The following ODAPH variants were observed in gnomAD, a reference collection of about 807,000 sequenced individuals.
ODAPH encodes the protein amelogenesis imperfecta type IIA4.
Under a neutral mutation model 2.8 loss-of-function variants are expected in ODAPH, and 2 were observed. That is an observed-to-expected ratio of 0.72 (90% CI 0.30 to 2.28). ODAPH has a LOEUF of 2.28. Among genes scored for constraint, ODAPH ranks in the 30% most tolerant of loss-of-function variants. ODAPH has a pLI of 0.13. For missense variants in ODAPH, 159 were observed against 163.3 expected, an observed-to-expected ratio of 0.97 and a Z score of 0.14; for synonymous variants, 75 against 60.3, an observed-to-expected ratio of 1.24 and a Z score of -1.13.
At chr4:75,556,667 T>G in intron 1 of ODAPH, 1 of 1,017,350 alleles carries the variant, frequency 9.8e-7, no homozygotes, top group Non-Finnish European at 1.5e-6. Context: ...GGGCACAGGT[T>G]TCTTTCTTTA....
chr4:75,564,991 T>C (rs1394871232), downstream of ODAPH: 1 of 158,144 alleles, frequency 6.3e-6, no homozygotes, highest in Non-Finnish European at 1.4e-5. Context: ...ACCCAAATAA[T>C]AATAATTATT....
chr4:75,558,970 A>G lies in ODAPH; in HGVS notation c.67+2821A>G, dbSNP rs149312296. 4.6e-3 allele frequency among the ~76,000 whole-genome samples: 694 copies of G among 152,348 alleles called. 7 individuals carry two copies. Among genetic ancestry groups the G allele is most frequent in the African/African-American group, 0.016 (667 of 41,578 alleles). On this transcript the variant is annotated intron_variant, in intron 1 of 1. Transcript: ENST00000311623. Reference sequence around the variant, plus strand: ...CTCAGCCTCCCAAAGTGCTGGGATTATAAGTGTAAGCCACCACGCCCAGCC... The same window carrying G: ...CTCAGCCTCCCAAAGTGCTGGGATTGTAAGTGTAAGCCACCACGCCCAGCC...
Position 75,564,196 on chromosome 4 carries a change from T to A in ODAPH, c.150T>A (p.Pro50=), listed in dbSNP as rs139130623. 18 of 1,613,984 alleles carry A rather than the reference T, an allele frequency of 1.1e-5. No homozygotes were observed. Among genetic ancestry groups the A allele is most frequent in the Non-Finnish European group, 1.4e-5 (16 of 1,180,026 alleles). The part of the protein sequence containing the change: ...ATDCQIFTLT[P]PPAPRSPVTR... ...ACTGCCAGATCTTTACACTCACCCC[T>A]CCACCTGCCCCGAGGAGTCCGGTCA... is the stretch of plus-strand genomic sequence containing the variant. Residue 50 remains proline (P), a synonymous_variant, in exon 2 of 2, where the codon CCT becomes CCA. Coordinates refer to ENST00000311623, the MANE Select transcript of ODAPH (RefSeq NM_178497.5).
At chr4:75,562,128 A>G (rs568757476) in intron 1 of ODAPH, among the ~76,000 whole-genome samples, 74 of 152,292 alleles carry the variant, frequency 4.9e-4, no homozygotes, top group Non-Finnish European at 7.3e-4. Context: ...TCAGTGGTCC[A>G]ATCAGCCATA....
intron 1 of ODAPH, among the ~76,000 whole-genome samples, chr4:75,557,188 C>G (rs1434090843): frequency 6.6e-6 from 1 of 152,214 alleles, no homozygotes; most frequent in Non-Finnish European, 1.5e-5. Flanking sequence ...CCCCAAGCCT[C>G]ACCTACTAAA....
At chr4:75,562,465 G>A (rs1331458519) in intron 1 of ODAPH, among the ~76,000 whole-genome samples, 2 of 151,044 alleles carry the variant, frequency 1.3e-5, no homozygotes, top group Non-Finnish European at 2.9e-5. Context: ...TCAGCCTCCC[G>A]AGTAGCTGGG....
In ODAPH at chr4:75,564,089, C is replaced by A. The variant is rs111379437; in HGVS notation, c.68-25C>A. On this transcript the variant is annotated intron_variant, in intron 1 of 1. Transcript: ENST00000311623. ...CTGCTTCTGTTACCAGACCTGTTTC[C>A]TGACTTGCGTTTTCCTCTCCACAGG... 3 of 1,612,914 alleles carry A rather than the reference C, an allele frequency of 1.9e-6. No individual in the cohort carries two copies. The African/African-American group carries it at 4.0e-5, about 22-fold the overall frequency.
At position 75,564,561 on chromosome 4, in the gene ODAPH, C is replaced by T. The variant is rs1482830377; in HGVS notation, c.*122C>T. ...CTATTGGATTTGAAGATTAAGTATC[C>T]TAAACATCACTGACTAGAAACTGTT... On this transcript the variant is annotated 3_prime_UTR_variant, in exon 2 of 2. Transcript: ENST00000311623. 1 of 1,565,820 alleles carries T rather than the reference C, an allele frequency of 6.4e-7. No homozygotes were observed. Among genetic ancestry groups the T allele is most frequent in the Non-Finnish European group, 8.6e-7 (1 of 1,158,240 alleles).
chr4:75,559,847 C>T (rs569512390), intron 1 of ODAPH, among the ~76,000 whole-genome samples: 51 of 152,284 alleles, frequency 3.3e-4, no homozygotes, highest in African/African-American at 1.1e-3. Context: ...AAGACGGTCA[C>T]GTAGATCTTT....
Position 75,564,192 on chromosome 4 carries a change from C to A in ODAPH, c.146C>A (p.Thr49Asn). ...DATDCQIFTLTPPPAPRSPVT... is the reference protein window; with the variant it reads ...DATDCQIFTLNPPPAPRSPVT... Reference sequence around the variant, plus strand: ...ACCGACTGCCAGATCTTTACACTCACCCCTCCACCTGCCCCGAGGAGTCCG... The same window carrying A: ...ACCGACTGCCAGATCTTTACACTCAACCCTCCACCTGCCCCGAGGAGTCCG... Residue 49 changes from threonine (T) to asparagine (N), a missense_variant, in exon 2 of 2, where the codon ACC (threonine) becomes AAC (asparagine). Thr to Asn is a moderately conservative substitution (Grantham distance 65). Coordinates refer to ENST00000311623, the MANE Select transcript of ODAPH (RefSeq NM_178497.5). The A allele has an allele frequency of 1.9e-6, 3 of 1,614,208 alleles. No individual in the cohort carries two copies. Among genetic ancestry groups the A allele is most frequent in the Non-Finnish European group, 2.5e-6 (3 of 1,180,028 alleles).
downstream of ODAPH, chr4:75,564,936 G>C: frequency 5.2e-6 from 1 of 191,978 alleles, no homozygotes; most frequent in Non-Finnish European, 1.1e-5. Flanking sequence ...GTTATGAGGA[G>C]TCTGACTGTA....
intron 1 of ODAPH, 134 bp downstream of exon 1, chr4:75,556,283 A>G: frequency 2.1e-6 from 2 of 950,706 alleles, no homozygotes; most frequent in South Asian, 3.1e-5. Context: ...CTGTGTGGTT[A>G]AAGAGAAGGA....
At chr4:75,560,477 C>T (rs1279756220) in intron 1 of ODAPH, among the ~76,000 whole-genome samples, 3 of 152,224 alleles carry the variant, frequency 2.0e-5, no homozygotes, top group African/African-American at 7.2e-5. Flanking sequence ...GTGGCCCTAA[C>T]TTTGTAAGAT....
intron 1 of ODAPH, chr4:75,556,479 A>G (rs1211514572): frequency 7.1e-7 from 1 of 1,412,526 alleles, no homozygotes; most frequent in Non-Finnish European, 9.7e-7. Context: ...TTCAAGCTAA[A>G]AACACTGTAC....
chr4:75,558,512 T>C (rs561543702), intron 1 of ODAPH, among the ~76,000 whole-genome samples: 2 of 140,820 alleles, frequency 1.4e-5, no homozygotes, highest in African/African-American at 5.2e-5. Context: ...TAGGTAATTA[T>C]AAAAAAAAAA....
chr4:75,564,610 T>G lies in ODAPH; in HGVS notation c.*171T>G. 1 of 1,439,142 alleles carries G rather than the reference T, an allele frequency of 6.9e-7. No homozygotes were observed. The highest frequency in any genetic ancestry group is 9.3e-7 in the Non-Finnish European group (1 of 1,074,294). The allele number at this position is 1,439,142 out of a possible 1,614,324, so 89.1% of individuals were successfully genotyped here. A position where few individuals can be genotyped will look rare whatever the true frequency, so the allele number is the denominator to read the frequency against. On this transcript the variant is annotated 3_prime_UTR_variant, in exon 2 of 2. Coordinates refer to ENST00000311623, the MANE Select transcript of ODAPH (RefSeq NM_178497.5). The stretch of plus-strand genomic sequence containing the variant: ...TTCTCTTTGTCAGCAGTGAAGATAT[T>G]GGATCATAGGTTATTGATGGTTGCA...
intron 1 of ODAPH, among the ~76,000 whole-genome samples, chr4:75,557,047 A>T (rs1372756831): frequency 6.6e-6 from 1 of 151,984 alleles, no homozygotes; most frequent in Non-Finnish European, 1.5e-5. Flanking sequence ...AGACAGGAGG[A>T]GGGGAGAGAC....
chr4:75,560,015 C>G (rs150052726), intron 1 of ODAPH, among the ~76,000 whole-genome samples: 181 of 151,222 alleles, frequency 1.2e-3, no homozygotes, highest in African/African-American at 4.3e-3. Context: ...GAGAGAGAGA[C>G]TTGAACAGGA....
intron 1 of ODAPH, chr4:75,563,228 A>G (rs190465627): frequency 0.027 from 4,141 of 152,904 alleles, 106 homozygotes; most frequent in Middle Eastern, 0.12. Context: ...GGGTTTCACC[A>G]TGTTAGCCAG....
Sources: allele counts gnomAD v4.1 joint callset (sites outside exome capture counted in the v4.1 genomes callset), GRCh38; gene constraint gnomAD v4.1.1; transcripts MANE v1.5; gene names NCBI Gene and HGNC (gene_info 2026-07-23, HGNC 2026-07-21).